AMPD1: variants seen among roughly 807,000 people sequenced by gnomAD.
AMPD1 encodes AMP deaminase 1.
AMPD1 carries 74 observed loss-of-function variants against 82.9 expected under a neutral mutation model. The observed-to-expected ratio is 0.89, with a 90% confidence interval of 0.74 to 1.08. The LOEUF (loss-of-function observed/expected upper bound fraction) is 1.08. AMPD1 is among the 50% of genes least tolerant of loss of function. The pLI, the probability that AMPD1 is intolerant of heterozygous loss-of-function variation, is 0.00. For synonymous variants in AMPD1, 333 were observed against 320.5 expected (o/e 1.04, Z -0.42); for missense variants, 881 against 924.5 (o/e 0.95, Z 0.61).
rs200717164 is a variant in AMPD1, at chr1:114,674,758, T to A, written c.1794A>T (p.Leu598Phe). Residue 598 changes from leucine to phenylalanine, a missense_variant, in exon 13 of 16, where the codon TTA (leucine) becomes TTT (phenylalanine). Coordinates refer to ENST00000520113, the MANE Select transcript of AMPD1 (RefSeq NM_000036.3). ...AAGAGAGCTTCCAACTCACCTTTTTTAAATTTAGGCCATGAGAGATATCAT... is the reference window on the plus strand; with the variant it reads ...AAGAGAGCTTCCAACTCACCTTTTTAAAATTTAGGCCATGAGAGATATCAT... ...IADDISHGLN[L>F]KKSPVLQYLF... 606 of 1,613,756 alleles carry A rather than the reference T, an allele frequency of 3.8e-4. No homozygotes were observed. The highest frequency in any genetic ancestry group is 4.5e-4 in the Non-Finnish European group (532 of 1,179,736).
intron 6 of AMPD1, 87 bp from the exon 7 acceptor site, chr1:114,679,795 C>A: frequency 2.0e-6 from 3 of 1,469,356 alleles, no homozygotes; most frequent in South Asian, 2.3e-5. Flanking sequence ...GGACCTTTAT[C>A]ATTCATAGGA....
rs758334449 is a variant in AMPD1, at chr1:114,688,660, G to A, written c.116C>T (p.Ser39Phe). 1 of 1,614,082 alleles carries A rather than the reference G, an allele frequency of 6.2e-7. No homozygotes were observed. Among genetic ancestry groups the A allele is most frequent in the Non-Finnish European group, 8.5e-7 (1 of 1,180,040 alleles). The change falls in exon 3 of 16, where the codon TCC becomes TTC. Residue 39 changes from serine (S) to phenylalanine (F), a missense_variant. Coordinates refer to ENST00000520113, the MANE Select transcript of AMPD1 (RefSeq NM_000036.3). ...ACAGATCTCATCCACATCAAAGGGGGAAATCTCCTGACGACCTCCTTCATC... is the reference window on the plus strand; with the variant it reads ...ACAGATCTCATCCACATCAAAGGGGAAAATCTCCTGACGACCTCCTTCATC... The part of the protein sequence containing the change: ...VKDEGGRQEI[S>F]PFDVDEICPI...
At chr1:114,680,515 T>C (rs2101716779) in intron 5 of AMPD1, 37 bp from the exon 6 acceptor site, 5 of 1,574,514 alleles carry the variant, frequency 3.2e-6, no homozygotes, top group South Asian at 2.2e-5. Flanking sequence ...TATTAGCACA[T>C]AGGATGAACG....
chr1:114,684,121 T>C, intron 5 of AMPD1, 78 bp downstream of exon 5: 9 of 1,440,026 alleles, frequency 6.2e-6, no homozygotes, highest in Non-Finnish European at 7.7e-6. Flanking sequence ...TTACTTATAA[T>C]CTAGAGGCAT....
At chr1:114,683,475 C>T (rs1658221340) in intron 5 of AMPD1, among the ~76,000 whole-genome samples, 1 of 152,152 alleles carries the variant, frequency 6.6e-6, no homozygotes. Flanking sequence ...GTGCCTCATG[C>T]CTGTAACCCC....
chr1:114,681,078 C>T (rs74113508), intron 5 of AMPD1, among the ~76,000 whole-genome samples: 6,418 of 152,276 alleles, frequency 0.042, 160 homozygotes, highest in South Asian at 0.087. Flanking sequence ...AAACAATCTT[C>T]ATTATTTACT....
Position 114,679,796 on chromosome 1 carries a change from A to G in AMPD1, c.768-88T>C. Reference sequence around the variant, plus strand: ...TTTCAAAACTATCAGGACCTTTATCATTCATAGGAAATAATTGTTGGAACA... The same window carrying G: ...TTTCAAAACTATCAGGACCTTTATCGTTCATAGGAAATAATTGTTGGAACA... On this transcript the variant is annotated intron_variant, in intron 6 of 15. Coordinates refer to ENST00000520113, the MANE Select transcript of AMPD1 (RefSeq NM_000036.3). 4.1e-6 allele frequency: 6 copies of G among 1,467,594 alleles called. No homozygotes were observed. In the South Asian group the frequency reaches 4.6e-5, roughly 11 times the overall value. 90.9% of individuals were successfully genotyped at this position (1,467,594 alleles called of 1,614,324 possible).
intron 12 of AMPD1, 148 bp downstream of exon 12, chr1:114,675,381 AG>A: frequency 3.6e-6 from 3 of 829,990 alleles, no homozygotes; most frequent in Non-Finnish European, 5.9e-6. Flanking sequence ...AATAAACTGA[AG>A]AAAAAAGTTA....
intron 10 of AMPD1, 185 bp from the exon 11 acceptor site, chr1:114,676,188 A>G (rs979913543): frequency 1.5e-5 from 10 of 689,124 alleles, no homozygotes; most frequent in South Asian, 9.5e-5. Flanking sequence ...TGGGCAGCAC[A>G]TAGGAAATAA....
intron 8 of AMPD1, 131 bp from the exon 9 acceptor site, chr1:114,678,172 G>T: frequency 2.0e-6 from 3 of 1,470,836 alleles, no homozygotes; most frequent in South Asian, 1.2e-5. Flanking sequence ...TGGAATTTGG[G>T]ACAGGTGACA....
At position 114,686,809 on chromosome 1, in the gene AMPD1, G is replaced by A; in HGVS notation, c.317C>T (p.Ser106Phe). The A allele has an allele frequency of 6.2e-7, 1 of 1,614,158 alleles. No individual in the cohort carries two copies. Among genetic ancestry groups the A allele is most frequent in the Non-Finnish European group, 8.5e-7 (1 of 1,180,006 alleles). The change falls in exon 4 of 16, where the codon TCT becomes TTT. Residue 106 changes from serine to phenylalanine, a missense_variant. By Grantham distance (155) the Ser-to-Phe change is radical. Transcript: ENST00000520113. ...LSHIDEYISS[S>F]PTYQTVPDFQ... ...ATCAGGCACGGTCTGGTAGGTTGGA[G>A]ATGAGGAAATGTATTCATCAATGTG...
chr1:114,691,546 C>T (rs761633237), intron 2 of AMPD1, among the ~76,000 whole-genome samples: 8 of 151,878 alleles, frequency 5.3e-5, no homozygotes, highest in Admixed American at 2.0e-4. Context: ...CCAGCATGGG[C>T]GACAGAGTAC....
At position 114,693,468 on chromosome 1, in the gene AMPD1, C is replaced by T. The variant is rs558132198; in HGVS notation, c.23-21G>A. ...TTCAGCTGTATGAAGTAAAATAAAA[C>T]AAGATAAAATATGTGAACAACTTTC... On this transcript the variant is annotated intron_variant, in intron 1 of 15. Transcript: ENST00000520113. 8.1e-6 allele frequency: 13 copies of T among 1,604,138 alleles called. No individual in the cohort carries two copies. In the South Asian group the frequency reaches 1.2e-4, roughly 15 times the overall value.
intron 2 of AMPD1, among the ~76,000 whole-genome samples, chr1:114,693,175 C>T (rs1241583809): frequency 6.9e-6 from 1 of 145,052 alleles, no homozygotes; most frequent in Non-Finnish European, 1.5e-5. Context: ...TAAGTAAAAG[C>T]ACTGCATGAG....
Position 114,684,112 on chromosome 1 carries a change from T to G in AMPD1, c.547+87A>C, listed in dbSNP as rs556434597. On this transcript the variant is annotated intron_variant, in intron 5 of 15. Coordinates refer to ENST00000520113, the MANE Select transcript of AMPD1 (RefSeq NM_000036.3). ...TGACTATGATATTTTTAGACTGGAT[T>G]ACTTATAATCTAGAGGCATATTTTA... is the stretch of plus-strand genomic sequence containing the variant. The G allele has an allele frequency of 4.7e-5, 65 of 1,369,036 alleles. No individual in the cohort carries two copies. In the East Asian group the frequency reaches 1.1e-3, roughly 22 times the overall value. The allele number at this position is 1,369,036 out of a possible 1,614,324, so 84.8% of individuals were successfully genotyped here.
chr1:114,688,829 A>T, intron 2 of AMPD1, 88 bp from the exon 3 acceptor site: 1 of 1,459,374 alleles, frequency 6.9e-7, no homozygotes, highest in Non-Finnish European at 9.6e-7. Context: ...TGGGACAAGG[A>T]CTGTGCTGCG....
intron 2 of AMPD1, among the ~76,000 whole-genome samples, chr1:114,692,990 T>C (rs1658559036): frequency 6.6e-6 from 1 of 151,724 alleles, no homozygotes; most frequent in South Asian, 2.1e-4. Flanking sequence ...CCAGGTGTGG[T>C]GGTGTGCACC....
chr1:114,673,527 C>A (rs1657892556), intron 15 of AMPD1, 112 bp downstream of exon 15: 1 of 958,326 alleles, frequency 1.0e-6, no homozygotes, highest in Admixed American at 1.9e-5. Context: ...TCCATAGTAA[C>A]TGCATATGAT....
At chr1:114,681,282 T>C (rs1389813075) in intron 5 of AMPD1, among the ~76,000 whole-genome samples, 1 of 152,080 alleles carries the variant, frequency 6.6e-6, no homozygotes, top group East Asian at 1.9e-4. Context: ...GGGTTCCCAG[T>C]AAAATAATTG....
Sources: allele counts gnomAD v4.1 joint callset (sites outside exome capture counted in the v4.1 genomes callset), GRCh38; gene constraint gnomAD v4.1.1; transcripts MANE v1.5; gene names NCBI Gene and HGNC (gene_info 2026-07-23, HGNC 2026-07-21).